Variants in ADGRB3 observed in about 807,000 individuals in gnomAD.
The protein encoded by ADGRB3 is adhesion G protein-coupled receptor B3.
Under a neutral mutation model 193.4 loss-of-function variants are expected in ADGRB3, and 37 were observed. The ratio of observed to expected loss-of-function variants is 0.19; its 90% CI spans 0.15 to 0.25. The LOEUF is 0.25. Among genes scored for constraint, ADGRB3 ranks in the 10% least tolerant of loss-of-function variants. The pLI, the probability that ADGRB3 is intolerant of heterozygous loss-of-function variation, is 1.00. For missense variants in ADGRB3, 1,637 were observed against 1,852.9 expected (o/e 0.88, Z 2.14); for synonymous variants, 690 against 644.2 (o/e 1.07, Z -1.08).
intron 17 of ADGRB3, among the ~76,000 whole-genome samples, chr6:69,209,106 G>A (rs185738090): frequency 6.6e-6 from 1 of 152,188 alleles, no homozygotes; most frequent in Non-Finnish European, 1.5e-5. Flanking sequence ...GACATCTCAA[G>A]CACCATTGGA....
At position 69,091,552 on chromosome 6, in the gene ADGRB3, T is replaced by C. The variant is rs138960507; in HGVS notation, c.2480+15514T>C. On this transcript the variant is annotated intron_variant, in intron 17 of 31. Coordinates refer to ENST00000370598, the MANE Select transcript of ADGRB3 (RefSeq NM_001704.3). Reference sequence around the variant, plus strand: ...ACTAACACAGGAACAGAAAACCAAATACCACAGGTTCTCACTTCTAAGTGG... The same window carrying C: ...ACTAACACAGGAACAGAAAACCAAACACCACAGGTTCTCACTTCTAAGTGG... Among the ~76,000 whole-genome samples the C allele has an allele frequency of 2.7e-3, 409 of 152,124 alleles. 1 individual carries two copies. The highest frequency in any genetic ancestry group is 9.7e-3 in the African/African-American group (403 of 41,498).
At chr6:69,218,658 CTGTT>C (rs1286053183) in intron 17 of ADGRB3, among the ~76,000 whole-genome samples, 4 of 152,064 alleles carry the variant, frequency 2.6e-5, no homozygotes, top group Non-Finnish European at 5.9e-5. Context: ...TATAGAGAAT[CTGTT>C]TGTTTTTATA....
chr6:68,641,857 A>G (rs913238943), intron 3 of ADGRB3, among the ~76,000 whole-genome samples: 1 of 152,030 alleles, frequency 6.6e-6, no homozygotes, highest in Admixed American at 6.6e-5. Flanking sequence ...ATTTGATATT[A>G]TGATATATAA....
At chr6:69,050,058 G>A (rs182281823) in intron 15 of ADGRB3, among the ~76,000 whole-genome samples, 86 of 152,280 alleles carry the variant, frequency 5.6e-4, no homozygotes, top group Admixed American at 8.5e-4. Flanking sequence ...GGAAGATAGA[G>A]ATAAAGTTGT....
intron 3 of ADGRB3, among the ~76,000 whole-genome samples, chr6:68,880,532 T>A (rs1411112698): frequency 6.6e-6 from 1 of 152,230 alleles, no homozygotes; most frequent in African/African-American, 2.4e-5. Flanking sequence ...AACACTCCTA[T>A]TCAAGCTTGC....
chr6:69,333,247 T>G (rs1461658808), intron 24 of ADGRB3, among the ~76,000 whole-genome samples: 1 of 152,236 alleles, frequency 6.6e-6, no homozygotes, highest in Non-Finnish European at 1.5e-5. Flanking sequence ...GCATATTGCC[T>G]GCTTGTCAGA....
chr6:68,662,072 C>G (rs1030769214), intron 3 of ADGRB3, among the ~76,000 whole-genome samples: 3 of 151,306 alleles, frequency 2.0e-5, no homozygotes, highest in Non-Finnish European at 4.4e-5. Flanking sequence ...GGAGCTGGTT[C>G]AAGTCGAGCC....
At chr6:68,716,588 T>C (rs1477592328) in intron 3 of ADGRB3, among the ~76,000 whole-genome samples, 2 of 151,554 alleles carry the variant, frequency 1.3e-5, no homozygotes, top group African/African-American at 2.4e-5. Context: ...CTTTCCAACT[T>C]TGCTTTCAGG....
intron 3 of ADGRB3, among the ~76,000 whole-genome samples, chr6:68,746,323 C>T (rs1320965379): frequency 6.6e-6 from 1 of 151,882 alleles, no homozygotes; most frequent in Non-Finnish European, 1.5e-5. Context: ...TGTTTTCTGA[C>T]TACCTCTTGT....
intron 8 of ADGRB3, among the ~76,000 whole-genome samples, chr6:68,972,634 G>A (rs1303812156): frequency 1.3e-5 from 2 of 149,080 alleles, no homozygotes; most frequent in Non-Finnish European, 3.0e-5. Flanking sequence ...AGGTGGTTGG[G>A]AGAGAGCAAA....
chr6:68,943,753 C>A, intron 5 of ADGRB3, 77 bp from the exon 6 acceptor site: 1 of 1,317,356 alleles, frequency 7.6e-7, no homozygotes, highest in Non-Finnish European at 1.0e-6. Flanking sequence ...ATGAGTTTTG[C>A]TTTTTAATTA....
In ADGRB3 at chr6:69,196,764, A is replaced by G. The variant is rs1194053714; in HGVS notation, c.2481-36526A>G. The stretch of plus-strand genomic sequence containing the variant: ...CAGTCTGTAACACTTACATAATGAG[A>G]GAGCAGAGCAAGTAAGGTCTCTATT... On this transcript the variant is annotated intron_variant, in intron 17 of 31. Coordinates refer to ENST00000370598, the MANE Select transcript of ADGRB3 (RefSeq NM_001704.3). Among the ~76,000 whole-genome samples, 3 of 152,118 alleles carry G rather than the reference A, an allele frequency of 2.0e-5. No individual in the cohort carries two copies. In the East Asian group the frequency reaches 5.8e-4, roughly 29 times the overall value.
At chr6:69,012,461 G>A (rs780031305) in intron 11 of ADGRB3, among the ~76,000 whole-genome samples, 3 of 151,934 alleles carry the variant, frequency 2.0e-5, no homozygotes, top group Non-Finnish European at 4.4e-5. Flanking sequence ...GAACTCTGAA[G>A]GTTAATTCTT....
chr6:69,239,825 G>T (rs1766347716), intron 20 of ADGRB3, among the ~76,000 whole-genome samples: 2 of 152,064 alleles, frequency 1.3e-5, no homozygotes. Flanking sequence ...TTTATGAGTT[G>T]AATGACCATG....
chr6:69,001,401 G>A (rs1016908402), intron 11 of ADGRB3, among the ~76,000 whole-genome samples: 6 of 152,168 alleles, frequency 3.9e-5, no homozygotes, highest in African/African-American at 1.4e-4. Context: ...ACATAAAAGA[G>A]TTTGAACTTG....
intron 17 of ADGRB3, among the ~76,000 whole-genome samples, chr6:69,089,130 T>C (rs1172852477): frequency 6.6e-6 from 1 of 152,248 alleles, no homozygotes; most frequent in Non-Finnish European, 1.5e-5. Flanking sequence ...CTTTCTGATA[T>C]TTAAAATGCT....
chr6:68,794,112 C>T (rs1337564394), intron 3 of ADGRB3, among the ~76,000 whole-genome samples: 3 of 152,094 alleles, frequency 2.0e-5, no homozygotes, highest in Non-Finnish European at 4.4e-5. Flanking sequence ...TATGTGCTTT[C>T]ATACTGTCTA....
At chr6:69,003,746 T>A (rs1472253304) in intron 11 of ADGRB3, among the ~76,000 whole-genome samples, 2 of 152,106 alleles carry the variant, frequency 1.3e-5, no homozygotes, top group Non-Finnish European at 2.9e-5. Flanking sequence ...GTGGGTGAAA[T>A]ATGAAGCAAT....
intron 20 of ADGRB3, among the ~76,000 whole-genome samples, chr6:69,244,989 A>G (rs1439218207): frequency 6.6e-6 from 1 of 151,882 alleles, no homozygotes; most frequent in Non-Finnish European, 1.5e-5. Context: ...CCTGCTCACC[A>G]CTAAATTCAC....
Sources: gnomAD v4.1 joint callset for allele counts (sites outside exome capture counted in the v4.1 genomes callset) on GRCh38, gnomAD v4.1.1 for gene constraint, MANE v1.5 for transcripts, NCBI Gene and HGNC (gene_info 2026-07-23, HGNC 2026-07-21) for gene names.